TOP1: variants seen among roughly 807,000 people sequenced by gnomAD.
TOP1 encodes DNA topoisomerase I.
TOP1 carries 10 observed loss-of-function variants against 111.1 expected under a neutral mutation model. The ratio of observed to expected loss-of-function variants is 0.09; its 90% confidence interval spans 0.06 to 0.15. The LOEUF (loss-of-function observed/expected upper bound fraction) is 0.15. Ranked by LOEUF, TOP1 falls within the 10% of genes least tolerant of loss-of-function variation. The pLI, the probability that TOP1 is intolerant of heterozygous loss-of-function variation, is 1.00. For synonymous variants in TOP1, 271 were observed against 302.9 expected (o/e 0.89, Z 1.10); for missense variants, 474 against 926.7 (o/e 0.51, Z 6.34).
chr20:41,089,037 T>C (rs1286752046), intron 8 of TOP1, among the ~76,000 whole-genome samples: 1 of 138,592 alleles, frequency 7.2e-6, no homozygotes, highest in Non-Finnish European at 1.5e-5. Flanking sequence ...TTTTTTTTTT[T>C]TTTTTGAGAC....
At chr20:41,117,890 A>G (rs1289689818) in intron 17 of TOP1, among the ~76,000 whole-genome samples, 1 of 152,072 alleles carries the variant, frequency 6.6e-6, no homozygotes, top group Non-Finnish European at 1.5e-5. Context: ...CCCTGAGTAA[A>G]AAGAAAGGTG....
At chr20:41,031,785 T>C (rs1280663120) in intron 2 of TOP1, among the ~76,000 whole-genome samples, 1 of 152,224 alleles carries the variant, frequency 6.6e-6, no homozygotes, top group Non-Finnish European at 1.5e-5. Context: ...TGATACTATA[T>C]GATACTAGCA....
chr20:41,104,329 G>A (rs968339491), intron 13 of TOP1, among the ~76,000 whole-genome samples: 5 of 152,222 alleles, frequency 3.3e-5, no homozygotes, highest in Non-Finnish European at 7.3e-5. Context: ...CAAACAAGAA[G>A]TAGAGAGATC....
chr20:41,084,058 A>C lies in TOP1; in HGVS notation c.508-404A>C, dbSNP rs538993927. ...CTTTCATCCTGAATACTAAATATCT[A>C]ATGCAAAGCCCCGTCTAGCCGTTAT... On this transcript the variant is annotated intron_variant, in intron 7 of 20. Transcript: ENST00000361337. 4.6e-5 allele frequency among the ~76,000 whole-genome samples: 7 copies of C among 152,306 alleles called. No individual in the cohort carries two copies. The South Asian group carries it at 1.5e-3, about 32-fold the overall frequency.
chr20:41,035,843 T>G (rs974146620), intron 2 of TOP1, among the ~76,000 whole-genome samples: 7 of 152,236 alleles, frequency 4.6e-5, no homozygotes, highest in Admixed American at 2.0e-4. Flanking sequence ...GGTATATTAC[T>G]GATTGTGCAG....
At chr20:41,077,462 TAAC>T (rs755790205) in intron 4 of TOP1, 117 bp from the exon 5 acceptor site, 1 of 782,414 alleles carries the variant, frequency 1.3e-6, no homozygotes, top group Non-Finnish European at 2.2e-6. Flanking sequence ...TCAGTTTTGG[TAAC>T]ATAAGAGCCA....
intron 13 of TOP1, among the ~76,000 whole-genome samples, chr20:41,107,793 G>A (rs1387693722): frequency 1.3e-5 from 2 of 152,038 alleles, no homozygotes. Context: ...TTTTGCTTAT[G>A]TACTGTTCTC....
rs2145967478 is a variant in TOP1, at chr20:41,115,573, C to G, written c.1707+134C>G. On this transcript the variant is annotated intron_variant, in intron 16 of 20. Coordinates refer to ENST00000361337, the MANE Select transcript of TOP1 (RefSeq NM_003286.4). This position sits in a 1 kb window ranked among gnomAD's most constrained non-coding sequence, Gnocchi z 6.3. ...TGCTCTGTGGCATCCCATACACTCT[C>G]TCTTCCTCCCTCTGAGTCCACGGTG... 2 of 619,834 alleles carry G rather than the reference C, an allele frequency of 3.2e-6. No individual in the cohort carries two copies. Among genetic ancestry groups the G allele is most frequent in the East Asian group, 5.5e-5 (2 of 36,584 alleles). 38.4% of individuals were successfully genotyped at this position (619,834 alleles called of 1,614,324 possible). A position where few individuals can be genotyped will look rare whatever the true frequency, so the allele number is the denominator to read the frequency against.
intron 2 of TOP1, among the ~76,000 whole-genome samples, chr20:41,054,162 G>T (rs1017823931): frequency 6.6e-6 from 1 of 152,150 alleles, no homozygotes; most frequent in Admixed American, 6.5e-5. Flanking sequence ...ATGTTGAATT[G>T]TAGCTCTCAT....
intron 2 of TOP1, among the ~76,000 whole-genome samples, chr20:41,048,698 A>G (rs769227819): frequency 2.0e-5 from 3 of 152,282 alleles, no homozygotes; most frequent in Admixed American, 6.5e-5. Context: ...AATTGCGCCT[A>G]GAATCTCCAG....
rs1245821384 is a variant in TOP1 at position 41,087,769 on chromosome 20, G to T, written c.614+3201G>T. 2.6e-5 allele frequency among the ~76,000 whole-genome samples: 4 copies of T among 152,170 alleles called. 1 individual carries two copies. Among genetic ancestry groups the T allele is most frequent in the Non-Finnish European group, 5.9e-5 (4 of 68,038 alleles). ...GTGCTTGTTAACTGCAAGGGAACTT[G>T]ATATCAAACAGCACATGGAGTTTAC... is the stretch of plus-strand genomic sequence containing the variant. On this transcript the variant is annotated intron_variant, in intron 8 of 20. Transcript: ENST00000361337.
In TOP1 at chr20:41,116,526, C is replaced by T. The variant is rs1478461985; in HGVS notation, c.1822+134C>T. ...TCAGACACTTTTTCCCTTTAGACCT[C>T]TAGTAGCGAGATAATGCTTTGTTGT... On this transcript the variant is annotated intron_variant, in intron 17 of 20. Coordinates refer to ENST00000361337, the MANE Select transcript of TOP1 (RefSeq NM_003286.4). The surrounding 1 kb of genome is among the most constrained non-coding windows in gnomAD (Gnocchi z 5.6). 7.9e-6 allele frequency: 5 copies of T among 630,690 alleles called. No individual in the cohort carries two copies. The highest frequency in any genetic ancestry group is 7.9e-5 in the South Asian group (4 of 50,812). 39.1% of individuals were successfully genotyped at this position (630,690 alleles called of 1,614,324 possible). A position where few individuals can be genotyped will look rare whatever the true frequency, so the allele number is the denominator to read the frequency against.
chr20:41,081,508 G>A (rs890248416), intron 7 of TOP1, among the ~76,000 whole-genome samples: 2 of 152,154 alleles, frequency 1.3e-5, no homozygotes, highest in Non-Finnish European at 2.9e-5. Flanking sequence ...GCCAACAGAT[G>A]TTCTTCCAAA....
chr20:41,114,110 G>A lies in TOP1; in HGVS notation c.1593G>A (p.Gly531=), dbSNP rs561394494. ...QEYVVEFDFL[G]KDSIRYYNKV... ...ATGTGGTAGAGTTTGACTTCCTCGG[G>A]AAGGACTCCATCAGATACTATAACA... is the stretch of plus-strand genomic sequence containing the variant. The change falls in exon 15 of 21, where the codon GGG becomes GGA. Residue 531 remains glycine (G), a synonymous_variant. Coordinates refer to ENST00000361337, the MANE Select transcript of TOP1 (RefSeq NM_003286.4). The surrounding 1 kb of genome is among the most constrained non-coding windows in gnomAD (Gnocchi z 4.5). 4.5e-5 allele frequency: 72 copies of A among 1,614,164 alleles called. No individual in the cohort carries two copies. In the South Asian group the frequency reaches 6.3e-4, roughly 14 times the overall value.
intron 11 of TOP1, among the ~76,000 whole-genome samples, chr20:41,099,261 A>G (rs1184830139): frequency 6.6e-6 from 1 of 152,220 alleles, no homozygotes; most frequent in East Asian, 1.9e-4. Flanking sequence ...GTCTCAGGTA[A>G]ATCTTATCCT....
rs1600597495 is a variant in TOP1 at position 41,109,903 on chromosome 20, C to T, written c.1309-2879C>T. On this transcript the variant is annotated intron_variant, in intron 13 of 20. Coordinates refer to ENST00000361337, the MANE Select transcript of TOP1 (RefSeq NM_003286.4). The surrounding 1 kb of genome is among the most constrained non-coding windows in gnomAD (Gnocchi z 4.1). ...TGGAAACATCCCAGAATAGATAACA[C>T]ATTATGGTATAGTCATAGAATATAC... Among the ~76,000 whole-genome samples, 1 of 152,190 alleles carries T rather than the reference C, an allele frequency of 6.6e-6. No individual in the cohort carries two copies. The highest frequency in any genetic ancestry group is 2.1e-4 in the South Asian group (1 of 4,838).
Position 41,123,166 on chromosome 20 carries a change from T to C in TOP1, c.2196-29T>C, listed in dbSNP as rs1555808253. ...ATGGGCCATTGCTGAGTCACCCTAATCCCCCCCTTATTTCTCCTTTGTTTG... is the reference window on the plus strand; with the variant it reads ...ATGGGCCATTGCTGAGTCACCCTAACCCCCCCCTTATTTCTCCTTTGTTTG... On this transcript the variant is annotated intron_variant, in intron 20 of 20. Coordinates refer to ENST00000361337, the MANE Select transcript of TOP1 (RefSeq NM_003286.4). The surrounding 1 kb of genome is among the most constrained non-coding windows in gnomAD (Gnocchi z 5.8). The C allele has an allele frequency of 2.0e-5, 30 of 1,533,852 alleles. No homozygotes were observed. The highest frequency in any genetic ancestry group is 2.7e-5 in the Non-Finnish European group (30 of 1,107,596).
chr20:41,029,224 C>A lies in TOP1; in HGVS notation c.33+124C>A, dbSNP rs963221774. On this transcript the variant is annotated intron_variant, in intron 1 of 20. Transcript: ENST00000361337. The surrounding 1 kb of genome is among the most constrained non-coding windows in gnomAD (Gnocchi z 6.1). ...ACAGGCCGGAGCCCCCGGTGAGGGG[C>A]CGCCTGCCGGAGTAGATCGGCTCGC... is the stretch of plus-strand genomic sequence containing the variant. 2 of 849,664 alleles carry A rather than the reference C, an allele frequency of 2.4e-6. No individual in the cohort carries two copies. The highest frequency in any genetic ancestry group is 1.6e-6 in the Non-Finnish European group (1 of 606,976). 52.6% of individuals were successfully genotyped at this position (849,664 alleles called of 1,614,324 possible).
intron 2 of TOP1, among the ~76,000 whole-genome samples, chr20:41,036,557 A>G (rs551365472): frequency 6.6e-6 from 1 of 152,298 alleles, no homozygotes; most frequent in African/African-American, 2.4e-5. Flanking sequence ...TCTATTCTCA[A>G]CTGGATCTTT....
Sources: gnomAD v4.1 joint callset for allele counts (sites outside exome capture counted in the v4.1 genomes callset) on GRCh38, gnomAD v4.1.1 for gene constraint, Gnocchi (gnomAD v3.1) non-coding constraint, MANE v1.5 for transcripts, NCBI Gene and HGNC (gene_info 2026-07-23, HGNC 2026-07-21) for gene names.